The following ZFP92 variants were observed in gnomAD, a reference collection of about 807,000 sequenced individuals.
ZFP92 encodes the protein zinc finger protein 92 homolog.
ZFP92 carries 2 observed loss-of-function variants against 7.6 expected under a neutral mutation model. The ratio of observed to expected loss-of-function variants is 0.26; its 90% CI spans 0.11 to 0.83. The LOEUF is 0.83. Ranked by LOEUF, ZFP92 falls within the 40% of genes least tolerant of loss-of-function variation. ZFP92 has a pLI of 0.65. For missense variants in ZFP92, 324 were observed against 408.3 expected (o/e 0.79, Z 1.78); for synonymous variants, 226 against 183.6 (o/e 1.23, Z -1.87).
In ZFP92 at chrX:153,421,044, C is replaced by T. The variant is rs1556974921; in HGVS notation, c.667C>T (p.Leu223Phe). ...CSKTFTRSSNLIKHQVIHSGE... is the reference protein window; with the variant it reads ...CSKTFTRSSNFIKHQVIHSGE... Reference sequence around the variant, plus strand: ...CAAGACCTTCACGCGCAGCTCCAACCTCATCAAGCACCAGGTCATCCACAG... The same window carrying T: ...CAAGACCTTCACGCGCAGCTCCAACTTCATCAAGCACCAGGTCATCCACAG... Residue 223 changes from leucine (L) to phenylalanine (F), a missense_variant, in exon 6 of 6, where the codon CTC (leucine) becomes TTC (phenylalanine). Coordinates refer to ENST00000338647, the MANE Select transcript of ZFP92 (RefSeq NM_001136273.2). 3 of 1,196,190 alleles carry T rather than the reference C, an allele frequency of 2.5e-6. No homozygotes were observed. The highest frequency in any genetic ancestry group is 3.0e-5 in the East Asian group (1 of 33,022).
At chrX:153,415,162 G>A (rs782130365) in intron 2 of ZFP92, among the ~76,000 whole-genome samples, 20 of 113,053 alleles carry the variant, frequency 1.8e-4, no homozygotes, top group East Asian at 8.4e-4. Flanking sequence ...GGCAGGGGCC[G>A]TTGGAGTGTG....
chrX:153,416,083 G>A (rs1340401297), intron 2 of ZFP92, among the ~76,000 whole-genome samples: 1 of 111,343 alleles, frequency 9.0e-6, no homozygotes, highest in Non-Finnish European at 1.9e-5. Flanking sequence ...AGAGGATACG[G>A]GACCCGTTGC....
chrX:153,421,614 C>A lies in ZFP92; in HGVS notation c.1237C>A (p.Pro413Thr). The A allele has an allele frequency of 1.0e-6, 1 of 992,602 alleles. No individual in the cohort carries two copies. The allele number at this position is 992,602 out of a possible 1,213,427, so 81.8% of individuals were successfully genotyped here. Reference sequence around the variant, plus strand: ...GAGCACAGCCGCCAGGCCTTCCAGGCCCAGCCGCCGCTGACTCCCCGCCAG... The same window carrying A: ...GAGCACAGCCGCCAGGCCTTCCAGGACCAGCCGCCGCTGACTCCCCGCCAG... ...RPSTAARPSR[P>T]SRR Residue 413 changes from proline to threonine, a missense_variant, in exon 6 of 6, where the codon CCC (proline) becomes ACC (threonine). Transcript: ENST00000338647.
At chrX:153,413,284 A>G (rs2088924051) in intron 2 of ZFP92, among the ~76,000 whole-genome samples, 1 of 100,945 alleles carries the variant, frequency 9.9e-6, no homozygotes, top group Non-Finnish European at 2.0e-5. Context: ...ATATCTCCCC[A>G]TCTAGTGGTC....
Position 153,421,910 on chromosome X carries a change from G to A in ZFP92, c.*282G>A. On this transcript the variant is annotated 3_prime_UTR_variant, in exon 6 of 6. Transcript: ENST00000338647. ...GCCCTCTACTCCCTCCTGAGTCCTGGGCCTTGCAACTGAGGCACATAGATG... is the reference window on the plus strand; with the variant it reads ...GCCCTCTACTCCCTCCTGAGTCCTGAGCCTTGCAACTGAGGCACATAGATG... The A allele has an allele frequency of 4.9e-6, 1 of 203,451 alleles. No individual in the cohort carries two copies. Among genetic ancestry groups the A allele is most frequent in the South Asian group, 2.8e-4 (1 of 3,618 alleles). 16.8% of individuals were successfully genotyped at this position (203,451 alleles called of 1,213,427 possible). A position where few individuals can be genotyped will look rare whatever the true frequency, so the allele number is the denominator to read the frequency against.
At chrX:153,413,302 G>A (rs1384896036) in intron 2 of ZFP92, among the ~76,000 whole-genome samples, 1 of 103,891 alleles carries the variant, frequency 9.6e-6, no homozygotes, top group East Asian at 3.0e-4. Context: ...GTCGTCTTAA[G>A]GCATCCTGCT....
intron 2 of ZFP92, among the ~76,000 whole-genome samples, chrX:153,416,438 G>A (rs2088951864): frequency 8.9e-6 from 1 of 111,836 alleles, no homozygotes; most frequent in Admixed American, 9.5e-5. Context: ...AATGTTGGCT[G>A]GCAGGTCATC....
Position 153,418,815 on chromosome X carries a change from A to G in ZFP92, c.160+16A>G. Reference sequence around the variant, plus strand: ...GTGTCACTGGGTAAGTGATCCCTCCACGACATACACACACCCAGTCCCACC... The same window carrying G: ...GTGTCACTGGGTAAGTGATCCCTCCGCGACATACACACACCCAGTCCCACC... On this transcript the variant is annotated intron_variant, in intron 4 of 5. Coordinates refer to ENST00000338647, the MANE Select transcript of ZFP92 (RefSeq NM_001136273.2). 8.6e-7 allele frequency: 1 copy of G among 1,164,720 alleles called. No homozygotes were observed. Among genetic ancestry groups the G allele is most frequent in the Non-Finnish European group, 1.1e-6 (1 of 871,605 alleles).
In ZFP92 at chrX:153,412,842, G is replaced by A. The variant is rs782270837; in HGVS notation, c.-19+829G>A. Among the ~76,000 whole-genome samples, 5 of 112,146 alleles carry A rather than the reference G, an allele frequency of 4.5e-5. No homozygotes were observed. In the South Asian group the frequency reaches 1.5e-3, roughly 33 times the overall value. ...AGCAGAGAAGGACAGGACCCGACCC[G>A]CCTGTTAGAAGGATCCCTCAGCGAG... On this transcript the variant is annotated intron_variant, in intron 2 of 5. Coordinates refer to ENST00000338647, the MANE Select transcript of ZFP92 (RefSeq NM_001136273.2).
chrX:153,415,855 C>A (rs2088946935), intron 2 of ZFP92, among the ~76,000 whole-genome samples: 1 of 111,447 alleles, frequency 9.0e-6, no homozygotes, highest in African/African-American at 3.3e-5. Flanking sequence ...CACTATCCAT[C>A]CAACACATGA....
At chrX:153,418,612 A>G in intron 3 of ZFP92, 61 bp from the exon 4 acceptor site, 2 of 1,145,975 alleles carry the variant, frequency 1.7e-6, no homozygotes, top group Non-Finnish European at 2.3e-6. Flanking sequence ...TGTTTCTGTC[A>G]GCTCCTCCAG....
At position 153,426,191 on chromosome X, in the gene ZFP92, C is replaced by T. The variant is rs2089041922; in HGVS notation, c.*4563C>T. On this transcript the variant is annotated 3_prime_UTR_variant, in exon 6 of 6. Coordinates refer to ENST00000338647, the MANE Select transcript of ZFP92 (RefSeq NM_001136273.2). ...CCCCTCTTTCCTGCTCCTCACTGTC[C>T]CCCATCCCCACCGCCACTGCTTGGC... The T allele has an allele frequency of 9.1e-6, 1 of 110,112 alleles. No individual in the cohort carries two copies. The highest frequency in any genetic ancestry group is 1.9e-5 in the Non-Finnish European group (1 of 52,854). The allele number at this position is 110,112 out of a possible 1,213,427, so 9.1% of individuals were successfully genotyped here.
At position 153,424,191 on chromosome X, in the gene ZFP92, G is replaced by A. The variant is rs1311785680; in HGVS notation, c.*2563G>A. 1.8e-5 allele frequency: 2 copies of A among 111,962 alleles called. No homozygotes were observed. The highest frequency in any genetic ancestry group is 6.5e-5 in the African/African-American group (2 of 30,762). The allele number at this position is 111,962 out of a possible 1,213,427, so 9.2% of individuals were successfully genotyped here. On this transcript the variant is annotated 3_prime_UTR_variant, in exon 6 of 6. Coordinates refer to ENST00000338647, the MANE Select transcript of ZFP92 (RefSeq NM_001136273.2). ...GGAGTTTTCAGCAGAAAGTGGAGTT[G>A]CCAGGAGAGATGCTGGGCACTTGCA...
chrX:153,413,456 C>T (rs1052034145), intron 2 of ZFP92, among the ~76,000 whole-genome samples: 1 of 108,344 alleles, frequency 9.2e-6, no homozygotes, highest in Non-Finnish European at 1.9e-5. Context: ...GGTCCCGGGT[C>T]CGAGGCCCCT....
In ZFP92 at chrX:153,426,184, C is replaced by T. The variant is rs1419523461; in HGVS notation, c.*4556C>T. The T allele has an allele frequency of 9.1e-6, 1 of 110,280 alleles. No individual in the cohort carries two copies. Among genetic ancestry groups the T allele is most frequent in the Non-Finnish European group, 1.9e-5 (1 of 52,915 alleles). The allele number at this position is 110,280 out of a possible 1,213,427, so 9.1% of individuals were successfully genotyped here. Reference sequence around the variant, plus strand: ...CCAGCAACCCCTCTTTCCTGCTCCTCACTGTCCCCCATCCCCACCGCCACT... The same window carrying T: ...CCAGCAACCCCTCTTTCCTGCTCCTTACTGTCCCCCATCCCCACCGCCACT... On this transcript the variant is annotated 3_prime_UTR_variant, in exon 6 of 6. Coordinates refer to ENST00000338647, the MANE Select transcript of ZFP92 (RefSeq NM_001136273.2).
chrX:153,415,716 C>T (rs2088946017), intron 2 of ZFP92, among the ~76,000 whole-genome samples: 1 of 111,463 alleles, frequency 9.0e-6, no homozygotes. Context: ...ACCATCTTGC[C>T]TTTTTTGTGT....
chrX:153,413,716 G>A (rs2088927937), intron 2 of ZFP92, among the ~76,000 whole-genome samples: 1 of 112,045 alleles, frequency 8.9e-6, no homozygotes, highest in Non-Finnish European at 1.9e-5. Context: ...AGTTCCGCCA[G>A]GTGCCTTCCA....
At position 153,424,738 on chromosome X, in the gene ZFP92, G is replaced by A. The variant is rs2089031739; in HGVS notation, c.*3110G>A. ...CTCTGGCAGTGTCTCCATGTAACTAGTAAATTGTCCTGGCTGGATTCGTTG... is the reference window on the plus strand; with the variant it reads ...CTCTGGCAGTGTCTCCATGTAACTAATAAATTGTCCTGGCTGGATTCGTTG... On this transcript the variant is annotated 3_prime_UTR_variant, in exon 6 of 6. Coordinates refer to ENST00000338647, the MANE Select transcript of ZFP92 (RefSeq NM_001136273.2). The A allele has an allele frequency of 8.9e-6, 1 of 112,833 alleles. No homozygotes were observed. The highest frequency in any genetic ancestry group is 1.9e-5 in the Non-Finnish European group (1 of 53,379). The allele number at this position is 112,833 out of a possible 1,213,427, so 9.3% of individuals were successfully genotyped here.
chrX:153,414,625 A>C (rs1157417297), intron 2 of ZFP92, among the ~76,000 whole-genome samples: 1 of 112,194 alleles, frequency 8.9e-6, no homozygotes, highest in African/African-American at 3.2e-5. Flanking sequence ...CTGGGATTAT[A>C]GGTGTGAGCC....
Sources: gnomAD v4.1 joint callset for allele counts (sites outside exome capture counted in the v4.1 genomes callset) on GRCh38, gnomAD v4.1.1 for gene constraint, MANE v1.5 for transcripts, NCBI Gene and HGNC (gene_info 2026-07-23, HGNC 2026-07-21) for gene names.